FNDC3A: variants seen among roughly 807,000 people sequenced by gnomAD.
FNDC3A encodes the protein fibronectin type III domain containing 3A, also known as fibronectin type-III domain-containing protein 3A.
In FNDC3A, 32 loss-of-function variants were observed where a neutral mutation model predicts 148.9. The observed-to-expected ratio is 0.21, with a 90% CI of 0.16 to 0.29. FNDC3A has a LOEUF of 0.29. Among genes scored for constraint, FNDC3A ranks in the 10% least tolerant of loss-of-function variants. The pLI is 1.00. For missense variants in FNDC3A, 1,191 were observed against 1,452.8 expected, an observed-to-expected ratio of 0.82 and a Z score of 2.93; for synonymous variants, 472 against 473.6, an observed-to-expected ratio of 1.00 and a Z score of 0.04.
intron 3 of FNDC3A, among the ~76,000 whole-genome samples, chr13:49,106,424 C>T (rs896882905): frequency 1.2e-4 from 18 of 152,012 alleles, no homozygotes; most frequent in Admixed American, 2.0e-4. Context: ...GCAAGATTCC[C>T]GCCTCAGCCT....
At chr13:49,084,965 T>A (rs1485312720) in intron 3 of FNDC3A, among the ~76,000 whole-genome samples, 1 of 152,164 alleles carries the variant, frequency 6.6e-6, no homozygotes, top group East Asian at 1.9e-4. Context: ...ACTTTTCTTT[T>A]TCGTTGCTGC....
chr13:49,022,453 A>G (rs1171669926), intron 2 of FNDC3A, among the ~76,000 whole-genome samples: 1 of 152,194 alleles, frequency 6.6e-6, no homozygotes, highest in Non-Finnish European at 1.5e-5. Context: ...CAAAAATCTA[A>G]TGTAAAAACT....
chr13:49,104,217 A>T (rs1472996116), intron 3 of FNDC3A, among the ~76,000 whole-genome samples: 1 of 152,136 alleles, frequency 6.6e-6, no homozygotes, highest in African/African-American at 2.4e-5. Context: ...CAAAAGCCTG[A>T]TTATGGTGGG....
At chr13:49,010,181 GAAAT>G (rs1192557861) in intron 2 of FNDC3A, among the ~76,000 whole-genome samples, 1 of 152,186 alleles carries the variant, frequency 6.6e-6, no homozygotes. Context: ...AAGGCAAGGT[GAAAT>G]AAATAGTGTT....
At chr13:49,030,767 AAAG>A (rs1325773298) in intron 2 of FNDC3A, among the ~76,000 whole-genome samples, 4 of 152,224 alleles carry the variant, frequency 2.6e-5, no homozygotes, top group African/African-American at 9.6e-5. Context: ...ACAGAATAAA[AAAG>A]AATAAAATAC....
At chr13:49,097,320 A>G (rs964229154) in intron 3 of FNDC3A, among the ~76,000 whole-genome samples, 12 of 152,070 alleles carry the variant, frequency 7.9e-5, no homozygotes, top group African/African-American at 2.7e-4. Context: ...GCAGTTAAAA[A>G]AAAAAAAAAC....
intron 2 of FNDC3A, among the ~76,000 whole-genome samples, chr13:49,069,426 C>T (rs543587714): frequency 6.6e-6 from 1 of 152,188 alleles, no homozygotes; most frequent in East Asian, 1.9e-4. Flanking sequence ...TGTTCCCCCA[C>T]CCCCATGCTC....
At chr13:49,113,713 C>T (rs1158273456) in intron 3 of FNDC3A, among the ~76,000 whole-genome samples, 1 of 152,042 alleles carries the variant, frequency 6.6e-6, no homozygotes, top group East Asian at 1.9e-4. Flanking sequence ...GAAAAGGTTT[C>T]ATTTCAGGTT....
chr13:49,006,257 GC>G lies in FNDC3A; in HGVS notation c.71del (p.Pro24LeufsTer3). 1 of 1,608,434 alleles carries G rather than the reference GC, an allele frequency of 6.2e-7. No individual in the cohort carries two copies. The highest frequency in any genetic ancestry group is 8.5e-7 in the Non-Finnish European group (1 of 1,175,660). ...ILSSDISLLS[A>X]PIVSADGTQQ... ...AAGTAGTGATATTTCTCTTTTGTCT[GC>G]CCCTATTGTAAGTGCAGATGGAACA... On this transcript the variant is annotated frameshift_variant, in exon 2 of 26. Transcript: ENST00000492622. LOFTEE classifies it high-confidence loss of function.
At chr13:49,116,893 A>G (rs1347839029) in intron 4 of FNDC3A, among the ~76,000 whole-genome samples, 5 of 152,250 alleles carry the variant, frequency 3.3e-5, no homozygotes, top group Non-Finnish European at 7.4e-5. Flanking sequence ...CTTGAAGGAC[A>G]GGTGGGGGTT....
At chr13:49,046,479 C>A in intron 2 of FNDC3A, 1 of 160,794 alleles carries the variant, frequency 6.2e-6, no homozygotes. Flanking sequence ...TAGATATACC[C>A]TGTTTGGGTT....
chr13:49,112,982 ACTT>A (rs1278868354), intron 3 of FNDC3A, among the ~76,000 whole-genome samples: 1 of 151,880 alleles, frequency 6.6e-6, no homozygotes, highest in Non-Finnish European at 1.5e-5. Flanking sequence ...CTACACAAAC[ACTT>A]CTTACTTTCT....
chr13:48,986,278 G>C (rs1951791262), intron 1 of FNDC3A, among the ~76,000 whole-genome samples: 1 of 148,606 alleles, frequency 6.7e-6, no homozygotes, highest in African/African-American at 2.5e-5. Context: ...TGGATATTTT[G>C]ATCCTCCCCT....
In FNDC3A at chr13:49,124,931, C is replaced by A. The variant is rs530243026; in HGVS notation, c.253-6206C>A. On this transcript the variant is annotated intron_variant, in intron 4 of 25. Coordinates refer to ENST00000492622, the MANE Select transcript of FNDC3A (RefSeq NM_001079673.2). ...TAACTTATCAAGAGAAGTTTATGAA[C>A]TACCTGAATGGGACTCCTGAAAGGC... 2.6e-5 allele frequency among the ~76,000 whole-genome samples: 4 copies of A among 152,240 alleles called. No individual in the cohort carries two copies. The East Asian group carries it at 7.7e-4, about 29-fold the overall frequency.
At chr13:49,008,181 T>C (rs564132628) in intron 2 of FNDC3A, among the ~76,000 whole-genome samples, 1 of 152,214 alleles carries the variant, frequency 6.6e-6, no homozygotes, top group East Asian at 1.9e-4. Flanking sequence ...TAAATAGAGA[T>C]AGTTATAATA....
At chr13:49,161,659 C>T (rs888339149) in intron 8 of FNDC3A, among the ~76,000 whole-genome samples, 9 of 151,994 alleles carry the variant, frequency 5.9e-5, no homozygotes, top group South Asian at 2.1e-4. Context: ...TGATGTTAGC[C>T]GGTTATTTTG....
In FNDC3A at chr13:49,209,103, C is replaced by G. The variant is rs932934270; in HGVS notation, c.*1708C>G. On this transcript the variant is annotated 3_prime_UTR_variant, in exon 26 of 26. Coordinates refer to ENST00000492622, the MANE Select transcript of FNDC3A (RefSeq NM_001079673.2). ...TAATCTCTTATGTATAGGGTGATAA[C>G]CTTCCCCAGAAACAACAGTGATTGC... 1 of 152,484 alleles carries G rather than the reference C, an allele frequency of 6.6e-6. No individual in the cohort carries two copies. Among genetic ancestry groups the G allele is most frequent in the Admixed American group, 6.5e-5 (1 of 15,276 alleles). The allele number at this position is 152,484 out of a possible 1,614,324, so 9.4% of individuals were successfully genotyped here. A position where few individuals can be genotyped will look rare whatever the true frequency, so the allele number is the denominator to read the frequency against.
At chr13:49,170,049 G>T (rs1884673293) in intron 10 of FNDC3A, among the ~76,000 whole-genome samples, 1 of 152,088 alleles carries the variant, frequency 6.6e-6, no homozygotes, top group Non-Finnish European at 1.5e-5. Context: ...ATAGAATTTT[G>T]AAATGTCTGC....
In FNDC3A at chr13:49,029,866, A is replaced by G. The variant is rs529316365; in HGVS notation, c.99+23577A>G. 2.6e-5 allele frequency among the ~76,000 whole-genome samples: 4 copies of G among 152,340 alleles called. No homozygotes were observed. The South Asian group carries it at 6.2e-4, about 24-fold the overall frequency. On this transcript the variant is annotated intron_variant, in intron 2 of 25. Transcript: ENST00000492622. ...CCAACAAATAGTCTAAGTGAACTAGACAAATATCTAGAAAGACACAAAACA... is the reference window on the plus strand; with the variant it reads ...CCAACAAATAGTCTAAGTGAACTAGGCAAATATCTAGAAAGACACAAAACA...
Sources: gnomAD v4.1 joint callset for allele counts (sites outside exome capture counted in the v4.1 genomes callset) on GRCh38, gnomAD v4.1.1 for gene constraint, MANE v1.5 for transcripts, NCBI Gene and HGNC (gene_info 2026-07-23, HGNC 2026-07-21) for gene names.